The following AAMDC variants were observed in gnomAD, a reference collection of about 807,000 sequenced individuals.
AAMDC encodes adipogenesis associated Mth938 domain containing, also known as mth938 domain-containing protein.
A neutral mutation model predicts 15.5 loss-of-function variants in AAMDC; 16 were observed. The observed-to-expected ratio is 1.03, with a 90% CI of 0.70 to 1.57. AAMDC has a LOEUF of 1.57. AAMDC is among the 40% of genes most tolerant of loss of function. The probability of loss-of-function intolerance (pLI) is 0.00; values close to 1 mark genes in which losing one functional copy is unlikely to be tolerated. For synonymous variants in AAMDC, 51 were observed against 51.6 expected, an observed-to-expected ratio of 0.99 and a Z score of 0.05; for missense variants, 141 against 144.9, an observed-to-expected ratio of 0.97 and a Z score of 0.14.
chr11:77,854,304 C>T (rs1950523105), intron 2 of AAMDC, among the ~76,000 whole-genome samples: 1 of 152,128 alleles, frequency 6.6e-6, no homozygotes, highest in Admixed American at 6.5e-5. Context: ...CCTCCAAATT[C>T]TTAACACATT....
downstream of AAMDC, chr11:77,872,396 A>G: frequency 2.7e-6 from 4 of 1,501,386 alleles, no homozygotes; most frequent in African/African-American, 1.4e-5. Context: ...AGCCTCCCCT[A>G]AACATTTTTG....
intron 2 of AAMDC, among the ~76,000 whole-genome samples, chr11:77,844,554 G>T (rs1376074531): frequency 6.6e-6 from 1 of 151,384 alleles, no homozygotes; most frequent in Non-Finnish European, 1.5e-5. Flanking sequence ...TAGAGATGAG[G>T]TCTCACTACA....
intron 5 of AAMDC, among the ~76,000 whole-genome samples, chr11:77,898,520 C>T (rs1952631000): frequency 6.6e-6 from 1 of 152,228 alleles, no homozygotes; most frequent in Non-Finnish European, 1.5e-5. Flanking sequence ...AAATCTTCAT[C>T]TTCATCTTAG....
chr11:77,852,209 A>G (rs1176711104), intron 2 of AAMDC, among the ~76,000 whole-genome samples: 1 of 133,906 alleles, frequency 7.5e-6, no homozygotes, highest in African/African-American at 2.8e-5. Flanking sequence ...TGGCCAACAG[A>G]ATGAGACACT....
intron 1 of AAMDC, among the ~76,000 whole-genome samples, chr11:77,824,104 G>A (rs1208263472): frequency 6.6e-6 from 1 of 152,202 alleles, no homozygotes; most frequent in East Asian, 1.9e-4. Flanking sequence ...ACAAAGCAAG[G>A]TTTAAGCATG....
chr11:77,853,135 A>G (rs1950471191), intron 2 of AAMDC, among the ~76,000 whole-genome samples: 1 of 152,314 alleles, frequency 6.6e-6, no homozygotes, highest in East Asian at 1.9e-4. Flanking sequence ...TGGGGGTTGT[A>G]CCGTATTTTA....
intron 1 of AAMDC, among the ~76,000 whole-genome samples, chr11:77,836,522 T>C (rs1949689399): frequency 2.6e-5 from 4 of 152,284 alleles, no homozygotes; most frequent in Middle Eastern, 6.8e-3. Flanking sequence ...TCTCCAGAAG[T>C]GTGAGAAAAT....
At chr11:77,874,584 A>G (rs1951547295), downstream of AAMDC, among the ~76,000 whole-genome samples, 1 of 152,166 alleles carries the variant, frequency 6.6e-6, no homozygotes, top group South Asian at 2.1e-4. Flanking sequence ...CCTGGTGCAC[A>G]TGGTTAACGA....
Position 77,882,043 on chromosome 11 carries a change from C to G in AAMDC, c.328+4994C>G, listed in dbSNP as rs190730861. 2.8e-3 allele frequency among the ~76,000 whole-genome samples: 429 copies of G among 152,138 alleles called. 5 individuals are homozygous for G. The highest frequency in any genetic ancestry group is 1.0e-2 in the African/African-American group (413 of 41,498). The stretch of plus-strand genomic sequence containing the variant: ...CTTCCTGCCTCAGCCTCCTGAGTAG[C>G]TGGGACTACAGGCACATGCCACCAT... On this transcript the variant is annotated intron_variant, in intron 5 of 5. Transcript: ENST00000304716.
chr11:77,832,066 T>C (rs1450113091), intron 1 of AAMDC: 1 of 151,840 alleles, frequency 6.6e-6, no homozygotes, highest in Non-Finnish European at 1.5e-5. Context: ...GACAAACATC[T>C]TGTGACTTCA....
chr11:77,891,485 A>G, intron 5 of AAMDC: 1 of 1,612,868 alleles, frequency 6.2e-7, no homozygotes, highest in South Asian at 1.1e-5. Flanking sequence ...GGAAAATCCT[A>G]TGATTTTAAA....
downstream of AAMDC, chr11:77,903,539 C>T (rs377292634): frequency 6.2e-7 from 1 of 1,613,630 alleles, no homozygotes; most frequent in Non-Finnish European, 8.5e-7. Flanking sequence ...AATAAGCTTA[C>T]CTGTTTCGCT....
chr11:77,844,987 T>G (rs993758138), intron 2 of AAMDC, among the ~76,000 whole-genome samples: 7 of 152,218 alleles, frequency 4.6e-5, no homozygotes, highest in Non-Finnish European at 1.0e-4. Flanking sequence ...TTAGCATTAT[T>G]AGATCTCCCT....
chr11:77,897,007 T>G (rs1002629600), intron 5 of AAMDC, among the ~76,000 whole-genome samples: 5 of 151,594 alleles, frequency 3.3e-5, no homozygotes, highest in African/African-American at 4.9e-5. Context: ...ACTGTAACAT[T>G]AAATACTAAA....
chr11:77,848,461 G>A (rs937484648), intron 2 of AAMDC, among the ~76,000 whole-genome samples: 2 of 151,734 alleles, frequency 1.3e-5, no homozygotes, highest in Non-Finnish European at 2.9e-5. Flanking sequence ...AGGTTCAAGC[G>A]ATTCTCCTAC....
At chr11:77,826,313 G>A (rs550663844) in intron 1 of AAMDC, among the ~76,000 whole-genome samples, 1 of 151,660 alleles carries the variant, frequency 6.6e-6, no homozygotes, top group Non-Finnish European at 1.5e-5. Context: ...AGTGAGCCAA[G>A]ATCACACCAT....
intron 2 of AAMDC, among the ~76,000 whole-genome samples, chr11:77,862,678 A>G (rs1212691898): frequency 6.6e-6 from 1 of 152,144 alleles, no homozygotes; most frequent in Non-Finnish European, 1.5e-5. Context: ...CACTTTTTAC[A>G]TAATTGCGAG....
At chr11:77,852,670 G>C (rs1203240006) in intron 2 of AAMDC, among the ~76,000 whole-genome samples, 2 of 152,124 alleles carry the variant, frequency 1.3e-5, no homozygotes, top group East Asian at 1.9e-4. Flanking sequence ...ACTCCATGTA[G>C]GTAATTATTT....
intron 2 of AAMDC, among the ~76,000 whole-genome samples, chr11:77,858,078 G>A (rs1251731695): frequency 6.6e-6 from 1 of 151,966 alleles, no homozygotes. Context: ...GAGTACAGTG[G>A]TATGATCATA....
Sources: gnomAD v4.1 joint callset for allele counts (sites outside exome capture counted in the v4.1 genomes callset) on GRCh38, gnomAD v4.1.1 for gene constraint, MANE v1.5 for transcripts, NCBI Gene and HGNC (gene_info 2026-07-23, HGNC 2026-07-21) for gene names.